Variants in B3GALT1 observed in about 807,000 individuals in gnomAD.
B3GALT1 encodes beta-1,3-galactosyltransferase 1.
Under a neutral mutation model 23.2 loss-of-function variants are expected in B3GALT1, and 10 were observed. The observed-to-expected ratio is 0.43, with a 90% CI of 0.27 to 0.73. B3GALT1 has a LOEUF of 0.73. Ranked by LOEUF, B3GALT1 falls within the 30% of genes least tolerant of loss-of-function variation. The pLI is 0.21. For missense variants in B3GALT1, 299 were observed against 405.4 expected (o/e 0.74, Z 2.25); for synonymous variants, 156 against 141.5 (o/e 1.10, Z -0.73).
At chr2:167,641,547 C>T (rs1490543663) in intron 2 of B3GALT1, among the ~76,000 whole-genome samples, 2 of 152,182 alleles carry the variant, frequency 1.3e-5, no homozygotes, top group African/African-American at 4.8e-5. Flanking sequence ...GCAGCTAATA[C>T]AGGTATAACA....
intron 1 of B3GALT1, among the ~76,000 whole-genome samples, chr2:167,332,871 C>T (rs1438375362): frequency 2.0e-5 from 3 of 152,178 alleles, no homozygotes; most frequent in African/African-American, 7.2e-5. Context: ...CTCCTTGGAC[C>T]CACGGTTATA....
chr2:167,818,546 A>ATTCT (rs1337048456), intron 3 of B3GALT1, among the ~76,000 whole-genome samples, 126 bp from the exon 4 acceptor site: 3 of 152,180 alleles, frequency 2.0e-5, no homozygotes, highest in African/African-American at 7.2e-5. Flanking sequence ...CCCACATGCC[A>ATTCT]TTCTTTGTAT....
intron 2 of B3GALT1, among the ~76,000 whole-genome samples, chr2:167,577,312 C>G (rs554510331): frequency 6.6e-6 from 1 of 151,762 alleles, no homozygotes; most frequent in East Asian, 1.9e-4. Flanking sequence ...TAAATTGAAA[C>G]CAAATGACTG....
At chr2:167,716,367 A>G (rs529342536) in intron 3 of B3GALT1, among the ~76,000 whole-genome samples, 4 of 152,202 alleles carry the variant, frequency 2.6e-5, no homozygotes, top group South Asian at 2.1e-4. Context: ...TTGAAGCTCT[A>G]TTTTTTGGTG....
At chr2:167,705,818 G>C (rs1375620866) in intron 3 of B3GALT1, among the ~76,000 whole-genome samples, 1 of 152,146 alleles carries the variant, frequency 6.6e-6, no homozygotes, top group Non-Finnish European at 1.5e-5. Context: ...AACCACATGT[G>C]GCTATTTACT....
chr2:167,784,378 G>A (rs987456673), intron 3 of B3GALT1, among the ~76,000 whole-genome samples: 11 of 152,136 alleles, frequency 7.2e-5, no homozygotes, highest in African/African-American at 1.7e-4. Context: ...AATGTTCATC[G>A]AGGTAGTAAA....
intron 2 of B3GALT1, among the ~76,000 whole-genome samples, chr2:167,545,583 C>G (rs1272328748): frequency 6.6e-6 from 1 of 152,114 alleles, no homozygotes; most frequent in Non-Finnish European, 1.5e-5. Context: ...CCCAGGAAGT[C>G]CAGCCAACTT....
chr2:167,531,014 A>C (rs974504302), intron 2 of B3GALT1, among the ~76,000 whole-genome samples: 9 of 152,204 alleles, frequency 5.9e-5, no homozygotes, highest in Non-Finnish European at 1.2e-4. Flanking sequence ...CATTTCAAGT[A>C]CTTTAGGGTT....
rs1684376412 is a variant in B3GALT1 at position 167,576,091 on chromosome 2, G to T, written c.-409-70818G>T. On this transcript the variant is annotated intron_variant, in intron 2 of 4. Transcript: ENST00000392690. ...TTCAAATTTTATAAGTTTTGATGGA[G>T]CCCAGGACTCTGATTTTTGTTCCAG... is the stretch of plus-strand genomic sequence containing the variant. Among the ~76,000 whole-genome samples, 5 of 151,858 alleles carry T rather than the reference G, an allele frequency of 3.3e-5. No homozygotes were observed. The South Asian group carries it at 1.0e-3, about 32-fold the overall frequency.
intron 1 of B3GALT1, among the ~76,000 whole-genome samples, chr2:167,342,775 T>C (rs1401149325): frequency 4.6e-5 from 7 of 152,184 alleles, no homozygotes; most frequent in African/African-American, 1.7e-4. Context: ...TGGCCTGGTA[T>C]GTATTCTAAA....
At chr2:167,412,019 G>A (rs1287826429) in intron 1 of B3GALT1, among the ~76,000 whole-genome samples, 1 of 152,136 alleles carries the variant, frequency 6.6e-6, no homozygotes, top group Non-Finnish European at 1.5e-5. Context: ...TGAAGACAGA[G>A]TGGAATGGTG....
At chr2:167,566,612 A>T (rs2105396408) in intron 2 of B3GALT1, among the ~76,000 whole-genome samples, 1 of 152,268 alleles carries the variant, frequency 6.6e-6, no homozygotes, top group East Asian at 1.9e-4. Context: ...GAATGACGTG[A>T]GGTTTAGTGA....
At chr2:167,661,648 C>A (rs1207376146) in intron 3 of B3GALT1, among the ~76,000 whole-genome samples, 3 of 152,186 alleles carry the variant, frequency 2.0e-5, no homozygotes, top group African/African-American at 7.2e-5. Context: ...TGTCTAATGT[C>A]CCCTGGGGCA....
intron 2 of B3GALT1, among the ~76,000 whole-genome samples, chr2:167,564,813 C>G (rs546471625): frequency 1.3e-5 from 2 of 152,162 alleles, no homozygotes; most frequent in Admixed American, 6.5e-5. Flanking sequence ...TGTGAAGGAC[C>G]TCTTGAAGGA....
chr2:167,478,447 A>G (rs1290771813), intron 1 of B3GALT1, among the ~76,000 whole-genome samples: 1 of 152,216 alleles, frequency 6.6e-6, no homozygotes, highest in Non-Finnish European at 1.5e-5. Flanking sequence ...TAATCCATGA[A>G]GTCCCTCCCA....
At chr2:167,832,575 A>G (rs1689374294) in intron 4 of B3GALT1, among the ~76,000 whole-genome samples, 1 of 152,248 alleles carries the variant, frequency 6.6e-6, no homozygotes, top group East Asian at 1.9e-4. Flanking sequence ...TCAATTAAAT[A>G]TGAGGACTCA....
At chr2:167,615,855 A>C (rs1213588451) in intron 2 of B3GALT1, among the ~76,000 whole-genome samples, 1 of 152,030 alleles carries the variant, frequency 6.6e-6, no homozygotes, top group Non-Finnish European at 1.5e-5. Context: ...CTCATTTTAC[A>C]AGCAATGAAA....
intron 4 of B3GALT1, among the ~76,000 whole-genome samples, chr2:167,846,669 C>G (rs899753092): frequency 2.0e-5 from 3 of 152,090 alleles, no homozygotes; most frequent in Non-Finnish European, 4.4e-5. Context: ...TCACACAGGA[C>G]CTATAAAACA....
chr2:167,625,543 A>AG (rs1198122444), intron 2 of B3GALT1, among the ~76,000 whole-genome samples: 8 of 151,894 alleles, frequency 5.3e-5, no homozygotes, highest in Admixed American at 1.3e-4. Context: ...TGGATATAAA[A>AG]CACTAAACCA....
Sources: gnomAD v4.1 joint callset for allele counts (sites outside exome capture counted in the v4.1 genomes callset) on GRCh38, gnomAD v4.1.1 for gene constraint, MANE v1.5 for transcripts, NCBI Gene and HGNC (gene_info 2026-07-23, HGNC 2026-07-21) for gene names.